The following GABRA3 variants were observed in gnomAD, a reference collection of about 807,000 sequenced individuals.
GABRA3 encodes the protein gamma-aminobutyric acid type A receptor subunit alpha3.
Under a neutral mutation model 30.1 loss-of-function variants are expected in GABRA3, and 10 were observed. The observed-to-expected ratio is 0.33, with a 90% confidence interval of 0.20 to 0.56. The LOEUF is 0.56. Ranked by LOEUF, GABRA3 falls within the 20% of genes least tolerant of loss-of-function variation. The pLI is 0.89. For missense variants in GABRA3, 233 were observed against 392.0 expected (o/e 0.59, Z 3.42); for synonymous variants, 151 against 146.8 (o/e 1.03, Z -0.21).
chrX:152,249,439 A>G (rs1938514699), intron 5 of GABRA3, among the ~76,000 whole-genome samples: 1 of 111,576 alleles, frequency 9.0e-6, no homozygotes, highest in Non-Finnish European at 1.9e-5. Flanking sequence ...AACACATAGT[A>G]TACTACATAT....
intron 2 of GABRA3, among the ~76,000 whole-genome samples, chrX:152,357,714 G>C (rs1940572913): frequency 1.8e-5 from 2 of 111,672 alleles, no homozygotes; most frequent in African/African-American, 6.5e-5. Flanking sequence ...TGTCTAGAAT[G>C]ATATTTTCTA....
intron 1 of GABRA3, among the ~76,000 whole-genome samples, chrX:152,415,490 G>A (rs1000415646): frequency 9.0e-6 from 1 of 111,292 alleles, no homozygotes; most frequent in African/African-American, 3.3e-5. Flanking sequence ...GGAGTAACAT[G>A]AGGGGTTTTA....
chrX:152,221,233 T>C (rs1013261357), intron 6 of GABRA3, among the ~76,000 whole-genome samples: 3 of 111,951 alleles, frequency 2.7e-5, no homozygotes, highest in Non-Finnish European at 5.6e-5. Context: ...AGCTGGATTG[T>C]TTTATCTTTC....
chrX:152,255,677 T>C, intron 5 of GABRA3, 101 bp downstream of exon 5: 1 of 687,242 alleles, frequency 1.5e-6, no homozygotes, highest in Admixed American at 2.4e-5. Context: ...ATTTCTAATC[T>C]ATACACTTGA....
chrX:152,283,041 G>A (rs1261319347), intron 4 of GABRA3, among the ~76,000 whole-genome samples: 1 of 111,520 alleles, frequency 9.0e-6, no homozygotes, highest in Non-Finnish European at 1.9e-5. Context: ...CTGATGGGCT[G>A]TGAGATCTCT....
chrX:152,394,590 T>C (rs1015982920), intron 1 of GABRA3: 2 of 335,322 alleles, frequency 6.0e-6, no homozygotes, highest in African/African-American at 5.2e-5. Flanking sequence ...AGACATGGTG[T>C]AGAAATTAAT....
intron 3 of GABRA3, among the ~76,000 whole-genome samples, chrX:152,294,965 G>T (rs765537653): frequency 3.7e-4 from 41 of 110,593 alleles, no homozygotes; most frequent in African/African-American, 1.3e-3. Flanking sequence ...TTTGCTGGAG[G>T]TCCACTCCAG....
At chrX:152,216,167 GA>G (rs1383112040) in intron 6 of GABRA3, among the ~76,000 whole-genome samples, 1 of 110,239 alleles carries the variant, frequency 9.1e-6, no homozygotes, top group Non-Finnish European at 1.9e-5. Context: ...CTGCCAGTAT[GA>G]AAAAAAGTAT....
chrX:152,182,312 T>C (rs79436729), intron 9 of GABRA3, among the ~76,000 whole-genome samples: 18,158 of 89,055 alleles, frequency 0.2, 1,737 homozygotes, highest in Admixed American at 0.25. Flanking sequence ...TATATATATA[T>C]ACACACACAC....
intron 4 of GABRA3, among the ~76,000 whole-genome samples, chrX:152,276,258 A>G (rs1939083317): frequency 8.9e-6 from 1 of 111,936 alleles, no homozygotes; most frequent in Admixed American, 9.6e-5. Context: ...ACCACTAAAC[A>G]TATAAAAAGA....
chrX:152,255,801 G>A lies in GABRA3; in HGVS notation c.528C>T (p.Asn176=), dbSNP rs1488599943. The change falls in exon 5 of 10, where the codon AAC becomes AAT. Residue 176 remains asparagine, a synonymous_variant. Transcript: ENST00000370314. ...TPNKLLRLVD[N]GTLLYTMRLT... ...ACCTCATTGTATAGAGGAGGGTTCC[G>A]TTGTCCACCAATCTGAGCAGCTTGT... is the stretch of plus-strand genomic sequence containing the variant. 1.7e-5 allele frequency: 21 copies of A among 1,209,188 alleles called. No homozygotes were observed. The highest frequency in any genetic ancestry group is 3.0e-5 in the East Asian group (1 of 33,722).
At chrX:152,231,269 A>C (rs1228687438) in intron 5 of GABRA3, among the ~76,000 whole-genome samples, 3 of 103,015 alleles carry the variant, frequency 2.9e-5, no homozygotes, top group Non-Finnish European at 6.1e-5. Flanking sequence ...GTATATATAC[A>C]CGTATATATG....
intron 7 of GABRA3, among the ~76,000 whole-genome samples, chrX:152,200,870 A>G (rs1937474569): frequency 8.9e-6 from 1 of 112,061 alleles, no homozygotes; most frequent in Non-Finnish European, 1.9e-5. Flanking sequence ...ATTTTCCTCA[A>G]TCCTCTCCTT....
At chrX:152,305,828 C>G (rs1030201298) in intron 3 of GABRA3, among the ~76,000 whole-genome samples, 3 of 110,349 alleles carry the variant, frequency 2.7e-5, no homozygotes, top group African/African-American at 9.9e-5. Context: ...ATATCAAAAC[C>G]AATGAAACAG....
At chrX:152,286,868 C>T (rs1376052509) in intron 3 of GABRA3, among the ~76,000 whole-genome samples, 2 of 111,999 alleles carry the variant, frequency 1.8e-5, no homozygotes, top group Non-Finnish European at 3.8e-5. Context: ...GTCTCTGAAA[C>T]TAGAGCTGTG....
chrX:152,301,200 G>GAA (rs1254189833), intron 3 of GABRA3, among the ~76,000 whole-genome samples: 1 of 111,848 alleles, frequency 8.9e-6, no homozygotes, highest in African/African-American at 3.2e-5. Flanking sequence ...ATATGATGGT[G>GAA]AAAAAGCATC....
intron 3 of GABRA3, among the ~76,000 whole-genome samples, chrX:152,296,506 G>T (rs1328348772): frequency 1.8e-5 from 2 of 111,433 alleles, no homozygotes; most frequent in Non-Finnish European, 3.8e-5. Context: ...GATTGTATCA[G>T]AAGTCCTGAG....
intron 1 of GABRA3, among the ~76,000 whole-genome samples, chrX:152,374,885 T>C (rs1474867080): frequency 1.8e-5 from 2 of 111,759 alleles, no homozygotes; most frequent in Admixed American, 9.5e-5. Context: ...GCACTATTTA[T>C]TAAATAGGAA....
At chrX:152,275,155 ATAT>A (rs1210663092) in intron 4 of GABRA3, among the ~76,000 whole-genome samples, 11 of 79,169 alleles carry the variant, frequency 1.4e-4, no homozygotes, top group Admixed American at 7.7e-4. Context: ...TATATATTTA[ATAT>A]TATATATATA....
Sources: allele counts gnomAD v4.1 joint callset (sites outside exome capture counted in the v4.1 genomes callset), GRCh38; gene constraint gnomAD v4.1.1; transcripts MANE v1.5; gene names NCBI Gene and HGNC (gene_info 2026-07-23, HGNC 2026-07-21).